SEC14L3: variants seen among roughly 807,000 people sequenced by gnomAD.
The protein encoded by SEC14L3 is SEC14 like lipid binding 3, also known as SEC14-like protein 3.
SEC14L3 carries 56 observed loss-of-function variants against 57.4 expected under a neutral mutation model. The ratio of observed to expected loss-of-function variants is 0.97; its 90% CI spans 0.79 to 1.22. The LOEUF (loss-of-function observed/expected upper bound fraction) is 1.22, where lower values mean the gene tolerates loss of function less well. Ranked by LOEUF, SEC14L3 falls within the 50% of genes most tolerant of loss-of-function variation. The probability of loss-of-function intolerance (pLI) is 0.00; values close to 1 mark genes in which losing one functional copy is unlikely to be tolerated. For synonymous variants in SEC14L3, 173 were observed against 194.4 expected, an observed-to-expected ratio of 0.89 and a Z score of 0.92; for missense variants, 485 against 511.7, an observed-to-expected ratio of 0.95 and a Z score of 0.50.
chr22:30,468,964 G>A (rs573673000), intron 4 of SEC14L3: 3 of 1,429,352 alleles, frequency 2.1e-6, no homozygotes, highest in Non-Finnish European at 2.7e-6. Context: ...CCTTTCTGTG[G>A]AGAAGAGTCG....
At chr22:30,460,815 T>G (rs1309002862) in intron 11 of SEC14L3, among the ~76,000 whole-genome samples, 4 of 109,054 alleles carry the variant, frequency 3.7e-5, no homozygotes, top group African/African-American at 7.6e-5. Context: ...ACAACAAGAG[T>G]GAAACTCTGT....
Position 30,450,900 on chromosome 22 carries a change from AAGTGACCACCTGCTGCTGCAC to A in SEC14L3, c.905-1677_905-1657del, listed in dbSNP as rs1230613888. Among the ~76,000 whole-genome samples, 27 of 152,244 alleles carry A rather than the reference AAGTGACCACCTGCTGCTGCAC, an allele frequency of 1.8e-4. 1 individual carries two copies. Among genetic ancestry groups the A allele is most frequent in the Non-Finnish European group, 7.3e-5 (5 of 68,048 alleles). ...AAGGAAAGGAAGGTCCAGAGAGGCC[AAGTGACCACCTGCTGCTGCAC>A]AGAGCAGAGATGGTGGCCATGCTGG... On this transcript the variant is annotated intron_variant, in intron 12 of 12. Coordinates refer to the SEC14L3 transcript ENST00000403066.
At chr22:30,449,047 G>C (rs1023177889) in exon 13 of SEC14L3, 1 of 1,539,850 alleles carries the variant, frequency 6.5e-7, no homozygotes, top group Admixed American at 2.0e-5. Flanking sequence ...TAGGGGGTGA[G>C]TCCTCTTACA....
intron 2 of SEC14L3, 122 bp downstream of exon 2, chr22:30,470,385 C>T (rs971949370): frequency 1.9e-6 from 3 of 1,596,298 alleles, no homozygotes; most frequent in Non-Finnish European, 2.6e-6. Flanking sequence ...CTCCTCTGGA[C>T]CTGAACATGT....
At chr22:30,452,012 A>AAAAAG (rs760890504) in intron 12 of SEC14L3, among the ~76,000 whole-genome samples, 10,686 of 141,288 alleles carry the variant, frequency 0.076, 671 homozygotes, top group Non-Finnish European at 0.12. Context: ...AAAAAAAAGA[A>AAAAAG]AAAAGAAAAG....
At position 30,459,567 on chromosome 22, in the gene SEC14L3, C is replaced by A; in HGVS notation, c.*454G>T. On this transcript the variant is annotated 3_prime_UTR_variant, in exon 12 of 12. Transcript: ENST00000215812. ...TCATGTACAGCTGTTGAGTCACCTG[C>A]ACCCTACCTTCTGGTCCTCCATTCA... 1.0e-6 allele frequency: 1 copy of A among 988,446 alleles called. No homozygotes were observed. The highest frequency in any genetic ancestry group is 1.2e-6 in the Non-Finnish European group (1 of 831,502). 61.2% of individuals were successfully genotyped at this position (988,446 alleles called of 1,614,324 possible). A position where few individuals can be genotyped will look rare whatever the true frequency, so the allele number is the denominator to read the frequency against.
rs772482076 is a variant in SEC14L3, at chr22:30,466,415, C to A, written c.520-21G>T. ...AAGAACTGTGGAACCAAGAGAGATC[C>A]CTTCAGAGAGCACATCACATCTTCT... On this transcript the variant is annotated intron_variant, in intron 6 of 11. Coordinates refer to ENST00000215812, the MANE Select transcript of SEC14L3 (RefSeq NM_174975.5). The A allele has an allele frequency of 4.3e-6, 7 of 1,613,854 alleles. No individual in the cohort carries two copies. In the South Asian group the frequency reaches 7.7e-5, roughly 18 times the overall value.
chr22:30,455,817 C>T (rs569077651), downstream of SEC14L3, among the ~76,000 whole-genome samples: 3 of 152,372 alleles, frequency 2.0e-5, no homozygotes, highest in East Asian at 5.8e-4. Flanking sequence ...GCCACCAACT[C>T]TAGCTTCCCA....
chr22:30,466,913 C>A (rs1935433477), intron 6 of SEC14L3, 69 bp downstream of exon 6: 3 of 1,465,380 alleles, frequency 2.0e-6, no homozygotes, highest in South Asian at 2.4e-5. Context: ...TCTCAGTAAG[C>A]AGCTGGGTCA....
At chr22:30,460,472 C>A (rs957733963) in intron 11 of SEC14L3, among the ~76,000 whole-genome samples, 1 of 152,198 alleles carries the variant, frequency 6.6e-6, no homozygotes, top group South Asian at 2.1e-4. Flanking sequence ...CCTCCCAGCC[C>A]CCTTGGATGA....
At chr22:30,471,242 T>C (rs1239292299) in intron 1 of SEC14L3, 1 of 449,660 alleles carries the variant, frequency 2.2e-6, no homozygotes, top group Non-Finnish European at 4.4e-6. Flanking sequence ...CTGAGATCGC[T>C]CCACAGCACT....
intron 9 of SEC14L3, 131 bp from the exon 10 acceptor site, chr22:30,461,825 G>T: frequency 7.6e-7 from 1 of 1,312,858 alleles, no homozygotes; most frequent in South Asian, 1.4e-5. Flanking sequence ...ACCTCCTCAA[G>T]CCTTCTATGA....
At chr22:30,449,088 T>C in exon 13 of SEC14L3, 1 of 1,550,536 alleles carries the variant, frequency 6.4e-7, no homozygotes. Context: ...AGACAAAAAT[T>C]AGTTACTGGC....
intron 5 of SEC14L3, 45 bp from the exon 6 acceptor site, chr22:30,467,122 G>A: frequency 6.2e-7 from 1 of 1,611,838 alleles, no homozygotes; most frequent in Non-Finnish European, 8.5e-7. Flanking sequence ...TCAGGGTGTA[G>A]GCTTGGGAGA....
downstream of SEC14L3, among the ~76,000 whole-genome samples, chr22:30,456,313 A>C (rs921858649): frequency 1.0e-3 from 155 of 151,706 alleles, no homozygotes; most frequent in African/African-American, 3.7e-3. Flanking sequence ...AAAAAAAAAA[A>C]AAAAACAAAC....
chr22:30,453,331 G>C (rs1303398112), intron 12 of SEC14L3, among the ~76,000 whole-genome samples: 1 of 152,190 alleles, frequency 6.6e-6, no homozygotes, highest in Non-Finnish European at 1.5e-5. Context: ...GGAAGTAGGA[G>C]AATTTAACCA....
downstream of SEC14L3, among the ~76,000 whole-genome samples, chr22:30,458,273 G>C (rs1350479569): frequency 6.6e-6 from 1 of 152,210 alleles, no homozygotes; most frequent in African/African-American, 2.4e-5. Flanking sequence ...GTCACCCAGG[G>C]TCATGGTGAG....
intron 8 of SEC14L3, 115 bp downstream of exon 8, chr22:30,464,705 A>G (rs1935362828): frequency 1.1e-6 from 1 of 925,346 alleles, no homozygotes; most frequent in Non-Finnish European, 1.8e-6. Context: ...TGCTGGGATT[A>G]CATTCGTGAG....
downstream of SEC14L3, among the ~76,000 whole-genome samples, chr22:30,458,706 T>C (rs1935161636): frequency 6.6e-6 from 1 of 152,076 alleles, no homozygotes; most frequent in Non-Finnish European, 1.5e-5. Context: ...AGCAATGTCA[T>C]TGGAGTAAAC....
Sources: allele counts gnomAD v4.1 joint callset (sites outside exome capture counted in the v4.1 genomes callset), GRCh38; gene constraint gnomAD v4.1.1; transcripts MANE v1.5; gene names NCBI Gene and HGNC (gene_info 2026-07-23, HGNC 2026-07-21).